The following KCNB2 variants were observed in gnomAD, a reference collection of about 807,000 sequenced individuals.
The protein encoded by KCNB2 is potassium voltage-gated channel subfamily B member 2, also known as delayed rectifier potassium channel protein.
KCNB2 carries 15 observed loss-of-function variants against 61.5 expected under a neutral mutation model. The observed-to-expected ratio is 0.24, with a 90% CI of 0.16 to 0.38. KCNB2 has a LOEUF of 0.38. Ranked by LOEUF, KCNB2 falls within the 10% of genes least tolerant of loss-of-function variation. KCNB2 has a pLI of 1.00. For synonymous variants in KCNB2, 457 were observed against 446.0 expected (o/e 1.02, Z -0.31); for missense variants, 828 against 1,125.2 (o/e 0.74, Z 3.78).
At chr8:72,657,815 A>G (rs1806315752) in intron 2 of KCNB2, among the ~76,000 whole-genome samples, 2 of 152,076 alleles carry the variant, frequency 1.3e-5, no homozygotes, top group Non-Finnish European at 2.9e-5. Context: ...CACTAATAAA[A>G]TTCACATTTA....
At chr8:72,730,722 G>C (rs1807725946) in intron 2 of KCNB2, among the ~76,000 whole-genome samples, 1 of 152,100 alleles carries the variant, frequency 6.6e-6, no homozygotes, top group Non-Finnish European at 1.5e-5. Flanking sequence ...TATGTGTAGA[G>C]AGAAAGAATA....
chr8:72,538,066 G>A (rs182203848), intron 1 of KCNB2, among the ~76,000 whole-genome samples, 181 bp downstream of exon 1: 255 of 152,216 alleles, frequency 1.7e-3, no homozygotes, highest in African/African-American at 5.8e-3. Flanking sequence ...CTCCTTCCCG[G>A]TGGGGAAGGC....
At chr8:72,860,171 A>G (rs1051590641) in intron 2 of KCNB2, among the ~76,000 whole-genome samples, 1 of 152,278 alleles carries the variant, frequency 6.6e-6, no homozygotes, top group African/African-American at 2.4e-5. Context: ...TTGTCTGGAC[A>G]TATGTTTTCA....
intron 1 of KCNB2, among the ~76,000 whole-genome samples, chr8:72,567,052 C>T (rs1229462179): frequency 2.6e-5 from 4 of 151,914 alleles, no homozygotes; most frequent in African/African-American, 7.3e-5. Flanking sequence ...TGAGGTGCAG[C>T]GGCTCACCCT....
intron 1 of KCNB2, among the ~76,000 whole-genome samples, chr8:72,542,802 G>T (rs1005909608): frequency 6.6e-6 from 1 of 152,154 alleles, no homozygotes; most frequent in African/African-American, 2.4e-5. Context: ...TCCAGGGACT[G>T]CAATCCCTTC....
At chr8:72,935,427 T>C (rs1489263438) in intron 2 of KCNB2, among the ~76,000 whole-genome samples, 1 of 152,236 alleles carries the variant, frequency 6.6e-6, no homozygotes, top group Admixed American at 6.5e-5. Flanking sequence ...CACATGAATA[T>C]TACCTGTTCT....
chr8:72,548,832 C>T (rs1268165222), intron 1 of KCNB2, among the ~76,000 whole-genome samples: 5 of 152,098 alleles, frequency 3.3e-5, no homozygotes, highest in South Asian at 2.1e-4. Flanking sequence ...TTGTTCATGT[C>T]TTATACACCC....
At chr8:72,909,044 A>G (rs1170567367) in intron 2 of KCNB2, among the ~76,000 whole-genome samples, 1 of 152,228 alleles carries the variant, frequency 6.6e-6, no homozygotes, top group Non-Finnish European at 1.5e-5. Context: ...AGCACTGGTC[A>G]TGTACCAAGT....
chr8:72,634,202 A>G (rs1224023692), intron 2 of KCNB2, among the ~76,000 whole-genome samples: 1 of 152,360 alleles, frequency 6.6e-6, no homozygotes, highest in Middle Eastern at 3.4e-3. Context: ...TGTAAATGCT[A>G]GATAGCTAAT....
At chr8:72,758,846 C>T (rs770444218) in intron 2 of KCNB2, among the ~76,000 whole-genome samples, 1 of 152,140 alleles carries the variant, frequency 6.6e-6, no homozygotes, top group African/African-American at 2.4e-5. Flanking sequence ...ATGGGCATTT[C>T]ATTAATGGAG....
At chr8:72,714,495 G>T (rs1466107355) in intron 2 of KCNB2, among the ~76,000 whole-genome samples, 1 of 150,660 alleles carries the variant, frequency 6.6e-6, no homozygotes, top group African/African-American at 2.5e-5. Flanking sequence ...AAGAGAGTGG[G>T]GGCCAATATT....
intron 2 of KCNB2, among the ~76,000 whole-genome samples, chr8:72,746,167 T>C (rs1159327525): frequency 6.6e-6 from 1 of 152,136 alleles, no homozygotes; most frequent in Non-Finnish European, 1.5e-5. Context: ...TTGTTATTCA[T>C]CCTAGGCATT....
intron 1 of KCNB2, among the ~76,000 whole-genome samples, chr8:72,550,337 T>G (rs1585745951): frequency 6.6e-6 from 1 of 152,302 alleles, no homozygotes; most frequent in African/African-American, 2.4e-5. Flanking sequence ...CAGCTAATAT[T>G]TATTAAACAC....
chr8:72,627,927 T>A (rs1448569804), intron 2 of KCNB2, among the ~76,000 whole-genome samples: 1 of 152,170 alleles, frequency 6.6e-6, no homozygotes, highest in Non-Finnish European at 1.5e-5. Flanking sequence ...TTAAAAAAAA[T>A]GTTTCCCTGA....
chr8:72,550,304 C>T (rs1003089196), intron 1 of KCNB2, among the ~76,000 whole-genome samples: 1 of 152,162 alleles, frequency 6.6e-6, no homozygotes, highest in Admixed American at 6.5e-5. Flanking sequence ...GAAATTGTAG[C>T]CAGCTTTTTA....
At chr8:72,670,630 C>A (rs1017955352) in intron 2 of KCNB2, among the ~76,000 whole-genome samples, 1 of 152,128 alleles carries the variant, frequency 6.6e-6, no homozygotes, top group African/African-American at 2.4e-5. Flanking sequence ...GCAGTGTGAT[C>A]AGATTAATAT....
chr8:72,805,163 T>G (rs530784702), intron 2 of KCNB2, among the ~76,000 whole-genome samples: 2 of 152,116 alleles, frequency 1.3e-5, no homozygotes, highest in Admixed American at 6.5e-5. Context: ...GAGCCGTGCC[T>G]CACACACTGT....
chr8:72,829,171 A>G (rs1008260074), intron 2 of KCNB2, among the ~76,000 whole-genome samples: 9 of 152,372 alleles, frequency 5.9e-5, no homozygotes, highest in Non-Finnish European at 1.3e-4. Context: ...ATTACTGCCT[A>G]AAACAATTCC....
At chr8:72,895,023 T>G (rs572217115) in intron 2 of KCNB2, among the ~76,000 whole-genome samples, 41 of 152,214 alleles carry the variant, frequency 2.7e-4, no homozygotes, top group African/African-American at 8.4e-4. Context: ...CCTAAGGCCC[T>G]TAGAAAATGG....
Sources: allele counts gnomAD v4.1 joint callset (sites outside exome capture counted in the v4.1 genomes callset), GRCh38; gene constraint gnomAD v4.1.1; transcripts MANE v1.5; gene names NCBI Gene and HGNC (gene_info 2026-07-23, HGNC 2026-07-21).